ARHGEF3: variants seen among roughly 807,000 people sequenced by gnomAD.
The protein encoded by ARHGEF3 is 59.8 kDA protein.
ARHGEF3 carries 28 observed loss-of-function variants against 63.2 expected under a neutral mutation model. The ratio of observed to expected loss-of-function variants is 0.44; its 90% CI spans 0.33 to 0.61. The LOEUF is 0.61. Among genes scored for constraint, ARHGEF3 ranks in the 20% least tolerant of loss-of-function variants. The pLI is 0.03. For synonymous variants in ARHGEF3, 266 were observed against 254.2 expected (o/e 1.05, Z -0.44); for missense variants, 533 against 659.3 (o/e 0.81, Z 2.10).
At chr3:56,900,300 T>C (rs964562430) in intron 3 of ARHGEF3, among the ~76,000 whole-genome samples, 17 of 152,314 alleles carry the variant, frequency 1.1e-4, no homozygotes, top group South Asian at 6.2e-4. Context: ...GATACCTTGA[T>C]TGCAGATAAG....
chr3:56,734,942 A>G (rs534620129), intron 8 of ARHGEF3, among the ~76,000 whole-genome samples: 14 of 152,130 alleles, frequency 9.2e-5, no homozygotes, highest in Non-Finnish European at 1.8e-4. Flanking sequence ...TTCTACTTCA[A>G]TCAATCTTCT....
chr3:56,959,319 C>T (rs1242395819), intron 2 of ARHGEF3, among the ~76,000 whole-genome samples: 1 of 152,140 alleles, frequency 6.6e-6, no homozygotes, highest in Non-Finnish European at 1.5e-5. Context: ...TACATTTGAG[C>T]TCCAGGTTTT....
At chr3:56,911,515 C>A (rs75532813) in intron 3 of ARHGEF3, among the ~76,000 whole-genome samples, 149 of 152,140 alleles carry the variant, frequency 9.8e-4, no homozygotes, top group African/African-American at 3.4e-3. Flanking sequence ...TGTTTCTGTC[C>A]CGGTGAACAG....
chr3:56,801,891 C>T lies in ARHGEF3; in HGVS notation c.-93G>A, dbSNP rs1448417435. 2.6e-6 allele frequency: 4 copies of T among 1,512,014 alleles called. No individual in the cohort carries two copies. In the Admixed American group the frequency reaches 8.0e-5, roughly 30 times the overall value. 93.7% of individuals were successfully genotyped at this position (1,512,014 alleles called of 1,614,324 possible). On this transcript the variant is annotated 5_prime_UTR_variant, in exon 1 of 10. Transcript: ENST00000296315. The stretch of plus-strand genomic sequence containing the variant: ...AAAGGGGGCCCCAGCTCCACGATGC[C>T]GGGCGGCGGCGGCGACACGGAGACC...
intron 3 of ARHGEF3, among the ~76,000 whole-genome samples, chr3:56,904,494 C>T (rs2108317625): frequency 6.6e-6 from 1 of 152,270 alleles, no homozygotes; most frequent in South Asian, 2.1e-4. Context: ...AATATTTATT[C>T]TTTTAAAAAT....
chr3:56,732,922 C>T (rs376165503), intron 8 of ARHGEF3, among the ~76,000 whole-genome samples: 86 of 152,088 alleles, frequency 5.7e-4, no homozygotes, highest in African/African-American at 1.6e-3. Flanking sequence ...CTGAAGTGGG[C>T]GGATCACTTG....
At chr3:56,904,228 T>C (rs927322977) in intron 3 of ARHGEF3, among the ~76,000 whole-genome samples, 1 of 151,906 alleles carries the variant, frequency 6.6e-6, no homozygotes, top group African/African-American at 2.4e-5. Context: ...AGATGAGATT[T>C]GCCAGGTGGC....
chr3:56,975,421 A>AAAT lies in ARHGEF3; in HGVS notation c.63-16535_63-16533dup, dbSNP rs559603168. ...CAACAGAGCAAGACTCTGTCTCAAA[A>AAAT]AATAATAATAATAATAAATAAAAAA... On this transcript the variant is annotated intron_variant, in intron 2 of 12. Coordinates refer to the ARHGEF3 transcript ENST00000338458. Among the ~76,000 whole-genome samples the AAAT allele has an allele frequency of 6.3e-3, 966 of 152,170 alleles. 8 individuals carry two copies. Among genetic ancestry groups the AAAT allele is most frequent in the African/African-American group, 0.022 (907 of 41,496 alleles).
At chr3:56,745,922 C>T (rs1170298361) in intron 6 of ARHGEF3, among the ~76,000 whole-genome samples, 3 of 152,204 alleles carry the variant, frequency 2.0e-5, no homozygotes, top group Admixed American at 6.5e-5. Context: ...CCGCCCGCCT[C>T]GGCCTCCCAA....
At chr3:56,868,357 GTTTGT>G (rs1422591134) in intron 4 of ARHGEF3, among the ~76,000 whole-genome samples, 1 of 136,902 alleles carries the variant, frequency 7.3e-6, no homozygotes, top group Non-Finnish European at 1.6e-5. Flanking sequence ...TTCTTTTTTT[GTTTGT>G]TTTTTTTTTT....
chr3:56,929,871 G>T (rs530120229), intron 3 of ARHGEF3, among the ~76,000 whole-genome samples: 14 of 152,160 alleles, frequency 9.2e-5, no homozygotes, highest in Non-Finnish European at 1.8e-4. Flanking sequence ...TCCCTTGGCT[G>T]ATGTTTCCGG....
intron 3 of ARHGEF3, among the ~76,000 whole-genome samples, chr3:56,888,945 G>A (rs566589713): frequency 6.6e-6 from 1 of 152,052 alleles, no homozygotes; most frequent in Admixed American, 6.5e-5. Flanking sequence ...AAATGACCAG[G>A]GGGTCCCTTT....
At chr3:56,732,012 C>T in intron 9 of ARHGEF3, 1 of 610,842 alleles carries the variant, frequency 1.6e-6, no homozygotes. Context: ...TTACTAAATC[C>T]TTATAACAAT....
intron 3 of ARHGEF3, chr3:56,958,729 G>T: frequency 7.4e-7 from 1 of 1,356,702 alleles, no homozygotes; most frequent in Non-Finnish European, 1.0e-6. Flanking sequence ...ACTTTGATTA[G>T]TAAAACCAAC....
intron 2 of ARHGEF3, among the ~76,000 whole-genome samples, chr3:57,008,382 G>A (rs577503300): frequency 2.6e-5 from 4 of 152,084 alleles, no homozygotes; most frequent in South Asian, 2.1e-4. Flanking sequence ...AAAACTCCAC[G>A]TAACAGCCCG....
intron 4 of ARHGEF3, among the ~76,000 whole-genome samples, chr3:56,859,512 C>T (rs2039995100): frequency 1.3e-5 from 2 of 151,394 alleles, no homozygotes; most frequent in Admixed American, 6.6e-5. Context: ...GCCCACATCC[C>T]TCTTGCCACC....
At chr3:56,736,590 G>A (rs951318493) in intron 8 of ARHGEF3, among the ~76,000 whole-genome samples, 1 of 152,092 alleles carries the variant, frequency 6.6e-6, no homozygotes, top group Admixed American at 6.6e-5. Context: ...TTTATTTTCT[G>A]AAATCAAAGT....
chr3:56,924,416 T>C (rs184227080), intron 3 of ARHGEF3, among the ~76,000 whole-genome samples: 1 of 152,290 alleles, frequency 6.6e-6, no homozygotes, highest in Admixed American at 6.5e-5. Context: ...GGGGTCCTGA[T>C]CCAGACCCCA....
intron 2 of ARHGEF3, among the ~76,000 whole-genome samples, chr3:57,013,027 C>T (rs1307629867): frequency 2.0e-5 from 3 of 152,186 alleles, no homozygotes; most frequent in African/African-American, 7.2e-5. Context: ...GCGGAGGGTG[C>T]ACCGGATCCC....
Sources: gnomAD v4.1 joint callset for allele counts (sites outside exome capture counted in the v4.1 genomes callset) on GRCh38, gnomAD v4.1.1 for gene constraint, MANE v1.5 for transcripts, NCBI Gene and HGNC (gene_info 2026-07-23, HGNC 2026-07-21) for gene names.